The following PLXDC2 variants were observed in gnomAD, a reference collection of about 807,000 sequenced individuals.
The protein encoded by PLXDC2 is plexin domain-containing protein 2.
Under a neutral mutation model 68.9 loss-of-function variants are expected in PLXDC2, and 40 were observed. The ratio of observed to expected loss-of-function variants is 0.58; its 90% confidence interval spans 0.45 to 0.76. The LOEUF is 0.76. Among genes scored for constraint, PLXDC2 ranks in the 30% least tolerant of loss-of-function variants. The pLI is 0.00. For missense variants in PLXDC2, 644 were observed against 661.9 expected, an observed-to-expected ratio of 0.97 and a Z score of 0.30; for synonymous variants, 243 against 234.2, an observed-to-expected ratio of 1.04 and a Z score of -0.34.
chr10:20,187,730 C>T (rs1834705549), intron 9 of PLXDC2, among the ~76,000 whole-genome samples: 1 of 151,732 alleles, frequency 6.6e-6, no homozygotes, highest in Admixed American at 6.6e-5. Flanking sequence ...AAATAGTCAT[C>T]TTTTCACTTT....
Position 20,245,479 on chromosome 10 carries a change from T to G in PLXDC2, c.1447T>G (p.Ser483Ala), listed in dbSNP as rs1357240968. ...AGTCTATATGTATCACCACCCAACATCAGCAGCCAGCATCTTCTTTATTGA... is the reference window on the plus strand; with the variant it reads ...AGTCTATATGTATCACCACCCAACAGCAGCAGCCAGCATCTTCTTTATTGA... ...VTVYMYHHPTSAASIFFIERR... is the reference protein window; with the variant it reads ...VTVYMYHHPTAAASIFFIERR... Residue 483 changes from serine to alanine, a missense_variant, in exon 13 of 14, where the codon TCA becomes GCA. Ser to Ala is a moderately conservative substitution (Grantham distance 99). Transcript: ENST00000377252. The G allele has an allele frequency of 6.2e-7, 1 of 1,612,198 alleles. No homozygotes were observed. Among genetic ancestry groups the G allele is most frequent in the Non-Finnish European group, 8.5e-7 (1 of 1,179,654 alleles).
At chr10:20,146,018 A>C (rs1376335605) in intron 5 of PLXDC2, among the ~76,000 whole-genome samples, 1 of 152,144 alleles carries the variant, frequency 6.6e-6, no homozygotes, top group Admixed American at 6.5e-5. Flanking sequence ...GGCAAAAACT[A>C]TACTCCCCAT....
chr10:19,952,270 C>T (rs1019923417), intron 1 of PLXDC2, among the ~76,000 whole-genome samples: 1 of 152,154 alleles, frequency 6.6e-6, no homozygotes, highest in Admixed American at 6.5e-5. Flanking sequence ...TCTCTCCGTC[C>T]GCTTGGCTAC....
At chr10:20,272,162 A>G (rs1208853736) in intron 13 of PLXDC2, among the ~76,000 whole-genome samples, 1 of 152,148 alleles carries the variant, frequency 6.6e-6, no homozygotes, top group African/African-American at 2.4e-5. Context: ...GAACACTTGG[A>G]GGATTTGCTA....
At chr10:20,089,212 GTGTT>G in intron 4 of PLXDC2, among the ~76,000 whole-genome samples, 1 of 141,366 alleles carries the variant, frequency 7.1e-6, no homozygotes, top group Non-Finnish European at 1.5e-5. Flanking sequence ...GTGTGTGTGT[GTGTT>G]TAAATACAAT....
At position 20,014,261 on chromosome 10, in the gene PLXDC2, CTCTT is replaced by C. The variant is rs370843841; in HGVS notation, c.324+12279_324+12282del. On this transcript the variant is annotated intron_variant, in intron 2 of 13. Coordinates refer to ENST00000377252, the MANE Select transcript of PLXDC2 (RefSeq NM_032812.9). ...CCTTCCTTCCTTCCTCTCTCCCTCT[CTCTT>C]TCTCTCCTTCCTTCCTTTTTTCCTT... Among the ~76,000 whole-genome samples the C allele has an allele frequency of 4.0e-3, 542 of 136,606 alleles. 3 individuals are homozygous for C. The highest frequency in any genetic ancestry group is 0.014 in the African/African-American group (503 of 35,176). 89.6% of individuals were successfully genotyped at this position (136,606 alleles called of 152,430 possible).
chr10:20,189,504 T>TATATATATACATAC (rs1554773611), intron 9 of PLXDC2, among the ~76,000 whole-genome samples: 4 of 121,594 alleles, frequency 3.3e-5, no homozygotes, highest in Non-Finnish European at 6.9e-5. Flanking sequence ...TATATATATA[T>TATATATATACATAC]ACACATACAC....
intron 1 of PLXDC2, among the ~76,000 whole-genome samples, chr10:19,927,254 A>T (rs1355186798): frequency 2.6e-5 from 4 of 152,200 alleles, no homozygotes; most frequent in African/African-American, 9.7e-5. Flanking sequence ...AGGGTAGGTT[A>T]TGAGTCACGG....
intron 1 of PLXDC2, among the ~76,000 whole-genome samples, chr10:19,888,551 T>C (rs1213474367): frequency 1.3e-5 from 2 of 152,072 alleles, no homozygotes; most frequent in African/African-American, 2.4e-5. Flanking sequence ...GTAACCAGAA[T>C]ATGGCTGTAG....
Position 20,001,794 on chromosome 10 carries a change from T to C in PLXDC2, c.132T>C (p.Thr44=). Residue 44 remains threonine (T), a synonymous_variant, in exon 2 of 14, where the codon ACT becomes ACC. Coordinates refer to ENST00000377252, the MANE Select transcript of PLXDC2 (RefSeq NM_032812.9). ...DQILDWQYGV[T]QAFPHTEEEV... is the part of the protein sequence containing the mutation. ...AAACAGATTGGCAGTATGGAGTTAC[T>C]CAGGCCTTCCCTCACACAGAGGAGG... 3 of 1,614,042 alleles carry C rather than the reference T, an allele frequency of 1.9e-6. No individual in the cohort carries two copies. Among genetic ancestry groups the C allele is most frequent in the South Asian group, 2.2e-5 (2 of 91,082 alleles).
At chr10:20,196,424 T>C (rs974988056) in intron 9 of PLXDC2, among the ~76,000 whole-genome samples, 2 of 152,176 alleles carry the variant, frequency 1.3e-5, no homozygotes, top group African/African-American at 4.8e-5. Flanking sequence ...ATGGAGGGTA[T>C]AGAATAAAAT....
intron 1 of PLXDC2, among the ~76,000 whole-genome samples, chr10:19,942,763 T>C (rs962471426): frequency 6.6e-6 from 1 of 152,090 alleles, no homozygotes; most frequent in Non-Finnish European, 1.5e-5. Context: ...CAAGACCCTG[T>C]CTCAAAACAA....
rs1834304657 is a variant in PLXDC2, at chr10:20,162,069, AGAGAAGG to A, written c.784-2398_784-2392del. ...GAGAGAGAGAGAGAGAGAGAGAGAG[AGAGAAGG>A]AAGGAAGGAAGGAAGGAAGGAAGGA... On this transcript the variant is annotated intron_variant, in intron 6 of 13. Transcript: ENST00000377252. 6.9e-5 allele frequency among the ~76,000 whole-genome samples: 2 copies of A among 28,906 alleles called. 1 individual carries two copies. The highest frequency in any genetic ancestry group is 2.1e-4 in the African/African-American group (2 of 9,630). The allele number at this position is 28,906 out of a possible 152,430, so 19.0% of individuals were successfully genotyped here. A position where few individuals can be genotyped will look rare whatever the true frequency, so the allele number is the denominator to read the frequency against.
At chr10:19,912,148 A>C (rs879662241) in intron 1 of PLXDC2, among the ~76,000 whole-genome samples, 5 of 152,214 alleles carry the variant, frequency 3.3e-5, no homozygotes, top group African/African-American at 4.8e-5. Flanking sequence ...TCTAAAGGGA[A>C]TTTAGTCTGA....
chr10:20,172,433 C>T (rs184918037), intron 7 of PLXDC2, among the ~76,000 whole-genome samples: 1 of 152,114 alleles, frequency 6.6e-6, no homozygotes, highest in African/African-American at 2.4e-5. Flanking sequence ...TGTGACACTG[C>T]GTGGACAATT....
intron 1 of PLXDC2, among the ~76,000 whole-genome samples, chr10:19,867,334 G>A (rs1589509150): frequency 6.6e-6 from 1 of 151,980 alleles, no homozygotes; most frequent in African/African-American, 2.4e-5. Context: ...CAAAGTGCTG[G>A]GATTATAGGC....
intron 13 of PLXDC2, among the ~76,000 whole-genome samples, chr10:20,256,620 G>C (rs933084881): frequency 2.6e-5 from 4 of 151,720 alleles, no homozygotes; most frequent in African/African-American, 9.7e-5. Context: ...CCTCCCAAAA[G>C]TGTATCAGAT....
At chr10:20,167,565 AC>A (rs1834391611) in intron 7 of PLXDC2, among the ~76,000 whole-genome samples, 1 of 152,040 alleles carries the variant, frequency 6.6e-6, no homozygotes, top group African/African-American at 2.4e-5. Flanking sequence ...TAACTTTTTT[AC>A]CCCCACCAAG....
At chr10:20,012,300 TCTCTTTTTTA>T (rs1835128858) in intron 2 of PLXDC2, among the ~76,000 whole-genome samples, 2 of 115,564 alleles carry the variant, frequency 1.7e-5, no homozygotes, top group African/African-American at 6.9e-5. Context: ...TCTCTCTCTC[TCTCTTTTTTA>T]TTTTTTTTTT....
Sources: gnomAD v4.1 joint callset for allele counts (sites outside exome capture counted in the v4.1 genomes callset) on GRCh38, gnomAD v4.1.1 for gene constraint, MANE v1.5 for transcripts, NCBI Gene and HGNC (gene_info 2026-07-23, HGNC 2026-07-21) for gene names.